USP46: variants seen among roughly 807,000 people sequenced by gnomAD.
USP46 encodes ubiquitin specific peptidase 46, also known as ubiquitin carboxyl-terminal hydrolase 46.
USP46 carries 12 observed loss-of-function variants against 44.4 expected under a neutral mutation model. That is an observed-to-expected ratio of 0.27 (90% confidence interval 0.17 to 0.44). The LOEUF (loss-of-function observed/expected upper bound fraction) is 0.44. USP46 is among the 20% of genes least tolerant of loss of function. The pLI is 1.00. For synonymous variants in USP46, 155 were observed against 161.5 expected (o/e 0.96, Z 0.31); for missense variants, 248 against 444.8 (o/e 0.56, Z 3.98).
intron 4 of USP46, among the ~76,000 whole-genome samples, chr4:52,618,145 T>C (rs1288889804): frequency 1.3e-5 from 2 of 152,006 alleles, no homozygotes; most frequent in Non-Finnish European, 2.9e-5. Flanking sequence ...GTGCTTTGGA[T>C]GGCTAAGGTG....
At chr4:52,644,759 C>T (rs1175021553) in intron 1 of USP46, among the ~76,000 whole-genome samples, 1 of 142,768 alleles carries the variant, frequency 7.0e-6, no homozygotes. Context: ...AAAAAAAAAA[C>T]CTCTGAAAAA....
chr4:52,612,349 T>C (rs1716967077), intron 4 of USP46, among the ~76,000 whole-genome samples: 1 of 152,256 alleles, frequency 6.6e-6, no homozygotes, highest in Admixed American at 6.5e-5. Flanking sequence ...ATTTCTACCA[T>C]GGTAGAATGC....
chr4:52,658,077 A>G (rs1424236350), intron 1 of USP46: 2 of 388,030 alleles, frequency 5.2e-6, no homozygotes, highest in Non-Finnish European at 1.0e-5. Flanking sequence ...CTGGCACTGT[A>G]AGAGCACGTG....
chr4:52,616,618 C>T (rs955353307), intron 4 of USP46, among the ~76,000 whole-genome samples: 1 of 152,124 alleles, frequency 6.6e-6, no homozygotes, highest in Non-Finnish European at 1.5e-5. Context: ...GGTGATCCGC[C>T]CGCCTCAGCC....
rs943665803 is a variant in USP46, at chr4:52,595,444, C to T, written c.*2196G>A. 1 of 152,558 alleles carries T rather than the reference C, an allele frequency of 6.6e-6. No individual in the cohort carries two copies. The highest frequency in any genetic ancestry group is 2.4e-5 in the African/African-American group (1 of 41,418). 9.5% of individuals were successfully genotyped at this position (152,558 alleles called of 1,614,324 possible). ...TCCAATCTTCTTTTCCTGCACCATA[C>T]AACTGTTTTAATGTGTTTGCAATAT... On this transcript the variant is annotated 3_prime_UTR_variant, in exon 9 of 9. Transcript: ENST00000441222.
At chr4:52,657,362 AGGGTG>A (rs1718992225) in intron 1 of USP46, among the ~76,000 whole-genome samples, 1 of 144,514 alleles carries the variant, frequency 6.9e-6, no homozygotes, top group Non-Finnish European at 1.5e-5. Flanking sequence ...CGCAGCACTG[AGGGTG>A]GGTGGGGGGA....
At chr4:52,631,497 G>A (rs989791979) in intron 1 of USP46, among the ~76,000 whole-genome samples, 5 of 152,070 alleles carry the variant, frequency 3.3e-5, no homozygotes, top group Admixed American at 3.3e-4. Flanking sequence ...AATATTTGAT[G>A]GCATACAGAA....
chr4:52,595,963 G>A lies in USP46; in HGVS notation c.*1677C>T, dbSNP rs1379779998. The A allele has an allele frequency of 1.3e-5, 2 of 152,604 alleles. No individual in the cohort carries two copies. Among genetic ancestry groups the A allele is most frequent in the Non-Finnish European group, 2.9e-5 (2 of 68,030 alleles). The allele number at this position is 152,604 out of a possible 1,614,324, so 9.5% of individuals were successfully genotyped here. On this transcript the variant is annotated 3_prime_UTR_variant, in exon 9 of 9. Transcript: ENST00000441222. ...TGAAATTGCCTCTAAACAAGGCAAGGTACATTTCCATCACTTGTATAAAAC... is the reference window on the plus strand; with the variant it reads ...TGAAATTGCCTCTAAACAAGGCAAGATACATTTCCATCACTTGTATAAAAC...
chr4:52,625,537 A>C (rs1011417630), intron 4 of USP46, among the ~76,000 whole-genome samples: 7 of 152,206 alleles, frequency 4.6e-5, no homozygotes, highest in African/African-American at 7.2e-5. Context: ...AAGCTCATCC[A>C]ACCCTCAAAA....
chr4:52,632,669 A>T (rs952172815), intron 1 of USP46, among the ~76,000 whole-genome samples: 1 of 151,626 alleles, frequency 6.6e-6, no homozygotes, highest in Non-Finnish European at 1.5e-5. Context: ...AAAAAATATA[A>T]AACTTAGCAG....
At chr4:52,624,749 G>A (rs1717509421) in intron 4 of USP46, among the ~76,000 whole-genome samples, 1 of 152,310 alleles carries the variant, frequency 6.6e-6, no homozygotes, top group East Asian at 1.9e-4. Context: ...AACAGGTCAT[G>A]AGGGTGGAGC....
chr4:52,604,726 C>G (rs745716329), intron 5 of USP46, 142 bp from the exon 6 acceptor site: 223 of 596,928 alleles, frequency 3.7e-4, no homozygotes, highest in Admixed American at 1.8e-3. Context: ...CTACTTAAGA[C>G]TAGGATGGTA....
intron 5 of USP46, among the ~76,000 whole-genome samples, chr4:52,607,736 G>T (rs569722353): frequency 1.3e-5 from 2 of 152,092 alleles, no homozygotes; most frequent in African/African-American, 2.4e-5. Flanking sequence ...AGATCTGGCC[G>T]TTTAAAAGTG....
intron 1 of USP46, 80 bp from the exon 2 acceptor site, chr4:52,631,224 T>C (rs1717814544): frequency 7.3e-6 from 8 of 1,102,574 alleles, no homozygotes; most frequent in Non-Finnish European, 1.1e-5. Context: ...AGTCTACTAT[T>C]GAGACAAGCA....
At chr4:52,602,390 CCT>C (rs1436801434) in intron 6 of USP46, among the ~76,000 whole-genome samples, 4 of 152,140 alleles carry the variant, frequency 2.6e-5, no homozygotes, top group Admixed American at 6.5e-5. Flanking sequence ...CAATCTACCC[CCT>C]GAGATGATGG....
chr4:52,610,475 A>G, intron 5 of USP46, 66 bp downstream of exon 5: 1 of 1,376,224 alleles, frequency 7.3e-7, no homozygotes, highest in Non-Finnish European at 1.0e-6. Context: ...GAAGAAATAC[A>G]GGATTTTCTC....
chr4:52,606,973 C>T (rs556241572), intron 5 of USP46, among the ~76,000 whole-genome samples: 24 of 152,176 alleles, frequency 1.6e-4, no homozygotes, highest in Middle Eastern at 3.4e-3. Flanking sequence ...TGGAGTGGAA[C>T]GGGGAGCCAG....
chr4:52,630,102 T>A (rs911739905), intron 2 of USP46, among the ~76,000 whole-genome samples: 1 of 152,100 alleles, frequency 6.6e-6, no homozygotes, highest in Non-Finnish European at 1.5e-5. Flanking sequence ...AACACCTACA[T>A]CCCAGAGAAA....
At chr4:52,628,262 G>C in intron 2 of USP46, 99 bp from the exon 3 acceptor site, 2 of 1,193,452 alleles carry the variant, frequency 1.7e-6, no homozygotes, top group Non-Finnish European at 2.3e-6. Context: ...CCGTGAACTG[G>C]CCTGGATGTC....
Sources: gnomAD v4.1 joint callset for allele counts (sites outside exome capture counted in the v4.1 genomes callset) on GRCh38, gnomAD v4.1.1 for gene constraint, MANE v1.5 for transcripts, NCBI Gene and HGNC (gene_info 2026-07-23, HGNC 2026-07-21) for gene names.